The following EHBP1 variants were observed in gnomAD, a reference collection of about 807,000 sequenced individuals.
EHBP1 encodes the protein EH domain binding protein 1.
Under a neutral mutation model 144.0 loss-of-function variants are expected in EHBP1, and 55 were observed. That is an observed-to-expected ratio of 0.38 (90% CI 0.31 to 0.48). EHBP1 has a LOEUF of 0.48. Ranked by LOEUF, EHBP1 falls within the 20% of genes least tolerant of loss-of-function variation. The pLI, the probability that EHBP1 is intolerant of heterozygous loss-of-function variation, is 0.98. For synonymous variants in EHBP1, 469 were observed against 472.7 expected, an observed-to-expected ratio of 0.99 and a Z score of 0.10; for missense variants, 1,200 against 1,364.2, an observed-to-expected ratio of 0.88 and a Z score of 1.90.
chr2:62,802,433 A>T (rs2152495832), intron 5 of EHBP1, among the ~76,000 whole-genome samples: 1 of 152,274 alleles, frequency 6.6e-6, no homozygotes, highest in Non-Finnish European at 1.5e-5. Flanking sequence ...TTGCTCAGAA[A>T]TGTTGTCTTA....
chr2:62,679,664 AAAGACTT>A (rs1292639350), intron 1 of EHBP1, among the ~76,000 whole-genome samples: 3 of 152,208 alleles, frequency 2.0e-5, no homozygotes, highest in African/African-American at 7.2e-5. Context: ...AACGGTAATA[AAAGACTT>A]AAGACAGACT....
At chr2:62,975,872 T>G (rs2153187488) in intron 14 of EHBP1, among the ~76,000 whole-genome samples, 1 of 146,980 alleles carries the variant, frequency 6.8e-6, no homozygotes, top group African/African-American at 2.5e-5. Context: ...TCAGCCTGGA[T>G]GGGTTTACTG....
At chr2:62,992,580 C>T (rs1338775928) in intron 16 of EHBP1, among the ~76,000 whole-genome samples, 2 of 152,042 alleles carry the variant, frequency 1.3e-5, no homozygotes, top group African/African-American at 2.4e-5. Context: ...AAGCTTTCAG[C>T]GTTGACTTGG....
chr2:62,874,631 A>G (rs1332188534), intron 10 of EHBP1, 99 bp downstream of exon 10: 1 of 1,058,588 alleles, frequency 9.4e-7, no homozygotes, highest in African/African-American at 1.6e-5. Flanking sequence ...GCTATTTTTG[A>G]TGATTTAAAA....
At chr2:62,842,373 C>T (rs1350826345) in intron 7 of EHBP1, among the ~76,000 whole-genome samples, 3 of 152,158 alleles carry the variant, frequency 2.0e-5, no homozygotes, top group Non-Finnish European at 4.4e-5. Context: ...GCGTGAGCCA[C>T]CGCGCCTGGC....
chr2:62,788,782 C>T (rs1446209761), intron 5 of EHBP1, among the ~76,000 whole-genome samples: 1 of 152,162 alleles, frequency 6.6e-6, no homozygotes, highest in Non-Finnish European at 1.5e-5. Flanking sequence ...ATAGATCATA[C>T]CATTCCAGTA....
At chr2:62,889,643 T>C (rs897836255) in intron 10 of EHBP1, among the ~76,000 whole-genome samples, 1 of 152,186 alleles carries the variant, frequency 6.6e-6, no homozygotes, top group Non-Finnish European at 1.5e-5. Context: ...GCACCATTTA[T>C]TGAATAGGGA....
intron 14 of EHBP1, among the ~76,000 whole-genome samples, chr2:62,959,206 C>T (rs897659182): frequency 1.3e-5 from 2 of 152,164 alleles, no homozygotes. Flanking sequence ...TGTGACAGGA[C>T]TTTCTGCTTT....
At chr2:62,743,085 T>C (rs918903606) in intron 2 of EHBP1, among the ~76,000 whole-genome samples, 1 of 152,112 alleles carries the variant, frequency 6.6e-6, no homozygotes, top group African/African-American at 2.4e-5. Context: ...GGTTCTTCTC[T>C]TATTATATCG....
intron 10 of EHBP1, among the ~76,000 whole-genome samples, chr2:62,882,918 T>G (rs1406811373): frequency 6.6e-6 from 1 of 150,448 alleles, no homozygotes; most frequent in Non-Finnish European, 1.5e-5. Flanking sequence ...AACTTAACAG[T>G]GCCTACTGTA....
intron 10 of EHBP1, among the ~76,000 whole-genome samples, chr2:62,891,253 A>G (rs184177411): frequency 1.2e-4 from 19 of 152,262 alleles, no homozygotes; most frequent in Non-Finnish European, 2.9e-5. Flanking sequence ...TAAACTGTAA[A>G]TTCACTGAAA....
intron 19 of EHBP1, among the ~76,000 whole-genome samples, chr2:62,999,272 C>G (rs1255493630): frequency 2.0e-5 from 3 of 152,082 alleles, no homozygotes; most frequent in Non-Finnish European, 4.4e-5. Context: ...ACTTTATCTG[C>G]TATTTCAGTT....
intron 10 of EHBP1, among the ~76,000 whole-genome samples, chr2:62,933,277 A>G (rs2056147254): frequency 6.6e-6 from 1 of 152,102 alleles, no homozygotes; most frequent in Admixed American, 6.6e-5. Flanking sequence ...ATCTGGCTTA[A>G]TTGAAAACAG....
intron 6 of EHBP1, 199 bp downstream of exon 6, chr2:62,826,467 T>C (rs1019287743): frequency 2.4e-5 from 11 of 454,308 alleles, no homozygotes; most frequent in East Asian, 1.8e-4. Context: ...TACAGTAATA[T>C]AAACGTGAGC....
At position 62,864,215 on chromosome 2, in the gene EHBP1, G is replaced by T. The variant is rs955512306; in HGVS notation, c.758-516G>T. 3.3e-5 allele frequency among the ~76,000 whole-genome samples: 5 copies of T among 152,190 alleles called. No homozygotes were observed. In the South Asian group the frequency reaches 6.2e-4, roughly 19 times the overall value. On this transcript the variant is annotated intron_variant, in intron 8 of 22. Transcript: ENST00000431489. ...GCTGGAGTGCAGTGGTACAATCATG[G>T]CTCACTGCAGCCTTGAACTCTTGGG...
intron 2 of EHBP1, among the ~76,000 whole-genome samples, chr2:62,727,009 C>T (rs1296789872): frequency 6.6e-6 from 1 of 152,122 alleles, no homozygotes; most frequent in Admixed American, 6.5e-5. Flanking sequence ...ATTACAGGCA[C>T]ATGCCACCAC....
intron 1 of EHBP1, among the ~76,000 whole-genome samples, chr2:62,676,423 A>T (rs941466800): frequency 6.6e-6 from 1 of 152,216 alleles, no homozygotes; most frequent in African/African-American, 2.4e-5. Flanking sequence ...ATTTTTGCTG[A>T]CTGAATTGTC....
At position 62,861,756 on chromosome 2, in the gene EHBP1, A is replaced by T. The variant is rs1255601837; in HGVS notation, c.757+2465A>T. Among the ~76,000 whole-genome samples, 3 of 151,932 alleles carry T rather than the reference A, an allele frequency of 2.0e-5. No individual in the cohort carries two copies. In the East Asian group the frequency reaches 5.9e-4, roughly 30 times the overall value. Reference sequence around the variant, plus strand: ...GTGAAACTCCAGCTCAGGAAAAAAAAAAAAAGAAAGAAAGTCTTCTCTTAA... The same window carrying T: ...GTGAAACTCCAGCTCAGGAAAAAAATAAAAAGAAAGAAAGTCTTCTCTTAA... On this transcript the variant is annotated intron_variant, in intron 8 of 22. Coordinates refer to ENST00000431489, the MANE Select transcript of EHBP1 (RefSeq NM_001142616.3).
chr2:62,823,177 T>C (rs1441190488), intron 5 of EHBP1, among the ~76,000 whole-genome samples: 3 of 152,104 alleles, frequency 2.0e-5, no homozygotes, highest in Non-Finnish European at 1.5e-5. Flanking sequence ...AGTTTTGTTT[T>C]TGGTTTTTAA....
Sources: gnomAD v4.1 joint callset for allele counts (sites outside exome capture counted in the v4.1 genomes callset) on GRCh38, gnomAD v4.1.1 for gene constraint, MANE v1.5 for transcripts, NCBI Gene and HGNC (gene_info 2026-07-23, HGNC 2026-07-21) for gene names.